COL15A1: variants seen among roughly 807,000 people sequenced by gnomAD.
COL15A1 encodes the protein collagen alpha-1(XV) chain.
Under a neutral mutation model 165.9 loss-of-function variants are expected in COL15A1, and 111 were observed. The ratio of observed to expected loss-of-function variants is 0.67; its 90% CI spans 0.57 to 0.78. COL15A1 has a LOEUF of 0.78. COL15A1 is among the 30% of genes least tolerant of loss of function. COL15A1 has a pLI of 0.00. For missense variants in COL15A1, 1,745 were observed against 1,789.7 expected, an observed-to-expected ratio of 0.98 and a Z score of 0.45; for synonymous variants, 659 against 674.8, an observed-to-expected ratio of 0.98 and a Z score of 0.36.
Position 99,022,035 on chromosome 9 carries a change from G to A in COL15A1, c.1702-56G>A. On this transcript the variant is annotated intron_variant, in intron 12 of 41. Coordinates refer to ENST00000375001, the MANE Select transcript of COL15A1 (RefSeq NM_001855.5). Reference sequence around the variant, plus strand: ...ATGAGCACGATTTCTACAGAAAGGTGGGGAGATGGTAGGAACAGAGTTCCA... The same window carrying A: ...ATGAGCACGATTTCTACAGAAAGGTAGGGAGATGGTAGGAACAGAGTTCCA... 4 of 1,602,200 alleles carry A rather than the reference G, an allele frequency of 2.5e-6. No individual in the cohort carries two copies. The South Asian group carries it at 4.4e-5, about 18-fold the overall frequency.
chr9:99,018,983 G>T (rs1838981958), intron 11 of COL15A1, among the ~76,000 whole-genome samples: 3 of 152,170 alleles, frequency 2.0e-5, no homozygotes, highest in Admixed American at 1.3e-4. Context: ...AAGAGAGAGA[G>T]AGAGAGACAG....
At position 99,054,552 on chromosome 9, in the gene COL15A1, TAACA is replaced by T; in HGVS notation, c.2951-23_2951-20del. 1.3e-6 allele frequency: 2 copies of T among 1,578,744 alleles called. No individual in the cohort carries two copies. The highest frequency in any genetic ancestry group is 4.0e-5 in the Admixed American group (2 of 49,778). ...AAGAAGGTGATTTTCCATTTTTTTT[TAACA>T]TGTATGTGTTTGGTGGCAGGTGTTA... On this transcript the variant is annotated intron_variant, in intron 31 of 41. Coordinates refer to ENST00000375001, the MANE Select transcript of COL15A1 (RefSeq NM_001855.5).
intron 2 of COL15A1, among the ~76,000 whole-genome samples, chr9:98,953,403 T>C (rs1056634455): frequency 6.6e-6 from 1 of 152,002 alleles, no homozygotes; most frequent in Admixed American, 6.6e-5. Flanking sequence ...AGCCCACTCT[T>C]TATCCCCATT....
intron 16 of COL15A1, among the ~76,000 whole-genome samples, chr9:99,032,292 C>T (rs772617070): frequency 1.4e-4 from 21 of 152,116 alleles, no homozygotes; most frequent in Middle Eastern, 3.4e-3. Flanking sequence ...TGGGTTCAAA[C>T]GATTCTCCTG....
intron 18 of COL15A1, 41 bp from the exon 19 acceptor site, chr9:99,035,309 A>G (rs762331921): frequency 1.9e-6 from 3 of 1,614,052 alleles, no homozygotes; most frequent in East Asian, 2.2e-5. Context: ...GTAGGTGCCC[A>G]GGAACTGGAT....
At chr9:99,040,782 G>A (rs568321627) in intron 23 of COL15A1, 8 of 699,010 alleles carry the variant, frequency 1.1e-5, no homozygotes, top group Non-Finnish European at 1.6e-5. Context: ...GCCTCCCAAA[G>A]TGCTGGGATT....
rs946804951 is a variant in COL15A1 at position 99,026,055 on chromosome 9, T to C, written c.2043+89T>C. 15 of 1,257,420 alleles carry C rather than the reference T, an allele frequency of 1.2e-5. No homozygotes were observed. The Admixed American group carries it at 3.4e-4, about 28-fold the overall frequency. 77.9% of individuals were successfully genotyped at this position (1,257,420 alleles called of 1,614,324 possible). The stretch of plus-strand genomic sequence containing the variant: ...CCCCTAAACCTGACCTTGCCTCTTA[T>C]GTGACTGACCCCCTGGCCTCCTGAA... On this transcript the variant is annotated intron_variant, in intron 16 of 41. Coordinates refer to ENST00000375001, the MANE Select transcript of COL15A1 (RefSeq NM_001855.5).
At chr9:98,976,677 G>A (rs1001817356) in intron 2 of COL15A1, among the ~76,000 whole-genome samples, 1 of 152,202 alleles carries the variant, frequency 6.6e-6, no homozygotes, top group African/African-American at 2.4e-5. Context: ...CTAGGATTTA[G>A]TTCAGCCAGC....
At chr9:98,996,148 C>A (rs979153691) in intron 5 of COL15A1, among the ~76,000 whole-genome samples, 5 of 152,216 alleles carry the variant, frequency 3.3e-5, no homozygotes, top group South Asian at 2.1e-4. Flanking sequence ...AAATTAACCT[C>A]AAAAATCTTA....
chr9:99,019,758 A>G (rs986599003), intron 11 of COL15A1, among the ~76,000 whole-genome samples: 1 of 152,114 alleles, frequency 6.6e-6, no homozygotes, highest in Admixed American at 6.5e-5. Context: ...TGTGAGGATT[A>G]AATGAGTTCA....
rs1282919369 is a variant in COL15A1 at position 98,972,365 on chromosome 9, A to G, written c.101-13200A>G. ...CAGGAGGGGCAGACCTCTGACTTTT[A>G]AAAGCTCCCAGGGGTGACTCTGATA... On this transcript the variant is annotated intron_variant, in intron 2 of 41. Transcript: ENST00000375001. 4.6e-5 allele frequency among the ~76,000 whole-genome samples: 7 copies of G among 152,212 alleles called. No individual in the cohort carries two copies. The South Asian group carries it at 8.3e-4, about 18-fold the overall frequency.
chr9:98,958,515 G>T (rs1322021383), intron 2 of COL15A1, among the ~76,000 whole-genome samples: 1 of 152,212 alleles, frequency 6.6e-6, no homozygotes, highest in Non-Finnish European at 1.5e-5. Flanking sequence ...AGAAAAAAAG[G>T]AGGGGTGGAA....
chr9:98,959,597 TA>T (rs111932622), intron 2 of COL15A1, among the ~76,000 whole-genome samples: 185 of 143,242 alleles, frequency 1.3e-3, no homozygotes, highest in Middle Eastern at 3.6e-3. Context: ...GATCTTGCCA[TA>T]AAAAAAAAAA....
intron 9 of COL15A1, among the ~76,000 whole-genome samples, chr9:99,007,072 A>T (rs1048706908): frequency 6.6e-6 from 1 of 152,186 alleles, no homozygotes; most frequent in Admixed American, 6.5e-5. Flanking sequence ...AGTCCAGAAA[A>T]GCAGGACAAC....
chr9:99,036,567 G>A (rs1327461231), intron 21 of COL15A1, among the ~76,000 whole-genome samples, 171 bp downstream of exon 21: 1 of 152,214 alleles, frequency 6.6e-6, no homozygotes, highest in South Asian at 2.1e-4. Context: ...CAGTTCCACT[G>A]TTCTCTCACA....
intron 11 of COL15A1, among the ~76,000 whole-genome samples, chr9:99,018,980 A>C (rs958110032): frequency 6.6e-6 from 1 of 152,184 alleles, no homozygotes; most frequent in African/African-American, 2.4e-5. Flanking sequence ...AGGAAGAGAG[A>C]GAGAGAGAGA....
intron 9 of COL15A1, among the ~76,000 whole-genome samples, chr9:99,014,945 G>A (rs776871404): frequency 2.0e-5 from 3 of 152,256 alleles, no homozygotes; most frequent in East Asian, 3.9e-4. Flanking sequence ...ATTTATCTCC[G>A]TGAGCAGAGG....
chr9:99,004,485 G>A (rs1838721694), intron 8 of COL15A1, among the ~76,000 whole-genome samples: 1 of 152,228 alleles, frequency 6.6e-6, no homozygotes, highest in African/African-American at 2.4e-5. Flanking sequence ...TAGGAAGAGA[G>A]TGGGACAGGG....
intron 36 of COL15A1, 64 bp from the exon 37 acceptor site, chr9:99,061,907 G>T (rs1588539764): frequency 1.3e-6 from 2 of 1,558,408 alleles, no homozygotes; most frequent in East Asian, 2.2e-5. Flanking sequence ...GAGAGGCCAG[G>T]TTATCAGATG....
Sources: allele counts gnomAD v4.1 joint callset (sites outside exome capture counted in the v4.1 genomes callset), GRCh38; gene constraint gnomAD v4.1.1; transcripts MANE v1.5; gene names NCBI Gene and HGNC (gene_info 2026-07-23, HGNC 2026-07-21).